Variants in DCPH1 observed in about 807,000 individuals in gnomAD.
The protein encoded by DCPH1 is damage control phosphatase 1.
chr6:151,459,796 A>G, the DCPH1 span, among the ~76,000 whole-genome samples: 4 of 152,170 alleles, frequency 2.6e-5, no homozygotes, highest in Non-Finnish European at 5.9e-5. Context: ...TAAAAAAACC[A>G]AAAAACAAAA....
At chr6:151,468,731 G>A in the DCPH1 span, 1 of 1,614,116 alleles carries the variant, frequency 6.2e-7, no homozygotes. Flanking sequence ...TCCAAGTGTG[G>A]GGCTGACTGG....
chr6:151,465,860 C>T, the DCPH1 span, among the ~76,000 whole-genome samples: 2 of 152,158 alleles, frequency 1.3e-5, no homozygotes, highest in East Asian at 1.9e-4. Flanking sequence ...GGTGAGACCC[C>T]GAGGGCAAGC....
chr6:151,466,219 C>G, the DCPH1 span, among the ~76,000 whole-genome samples: 1 of 151,948 alleles, frequency 6.6e-6, no homozygotes, highest in Admixed American at 6.6e-5. Flanking sequence ...TTGCCTGGCC[C>G]AGGACATTGT....
the DCPH1 span, among the ~76,000 whole-genome samples, chr6:151,463,527 A>G: frequency 6.6e-6 from 1 of 152,188 alleles, no homozygotes; most frequent in South Asian, 2.1e-4. Flanking sequence ...AGGAATTCCA[A>G]AAGTGCTCTG....
At chr6:151,453,909 T>TA in the DCPH1 span, among the ~76,000 whole-genome samples, 7 of 152,252 alleles carry the variant, frequency 4.6e-5, no homozygotes, top group African/African-American at 1.4e-4. Context: ...AACACTTCTA[T>TA]AAAATCTCTG....
the DCPH1 span, among the ~76,000 whole-genome samples, chr6:151,456,481 T>A: frequency 6.6e-6 from 1 of 152,238 alleles, no homozygotes; most frequent in African/African-American, 2.4e-5. Context: ...AAAATCCGGC[T>A]TAATTTAGAC....
chr6:151,455,906 C>A, the DCPH1 span, among the ~76,000 whole-genome samples: 1 of 152,276 alleles, frequency 6.6e-6, no homozygotes, highest in Non-Finnish European at 1.5e-5. Flanking sequence ...TTTTTGTGCC[C>A]CTGGGTACTT....
At chr6:151,462,950 T>A in the DCPH1 span, among the ~76,000 whole-genome samples, 1 of 152,226 alleles carries the variant, frequency 6.6e-6, no homozygotes, top group Non-Finnish European at 1.5e-5. Context: ...CCATGTGGTC[T>A]CTGTTGCAGC....
chr6:151,460,046 CA>C, the DCPH1 span, among the ~76,000 whole-genome samples: 1 of 152,114 alleles, frequency 6.6e-6, no homozygotes, highest in Non-Finnish European at 1.5e-5. Flanking sequence ...ATCTTACACA[CA>C]CACGTATATA....
chr6:151,459,499 A>G, the DCPH1 span, among the ~76,000 whole-genome samples: 1 of 152,224 alleles, frequency 6.6e-6, no homozygotes, highest in African/African-American at 2.4e-5. Flanking sequence ...CTGATAGAGA[A>G]CTAGTTTTTA....
the DCPH1 span, among the ~76,000 whole-genome samples, chr6:151,466,009 C>T: frequency 1.1e-4 from 17 of 152,324 alleles, no homozygotes; most frequent in African/African-American, 3.8e-4. Context: ...ACCTCCGTCT[C>T]CCGGGTTTAA....
chr6:151,452,508 T>G, the DCPH1 span: 9 of 1,609,960 alleles, frequency 5.6e-6, no homozygotes, highest in Non-Finnish European at 7.6e-6. Context: ...CTGCGGCGAT[T>G]GAACAGCCGA....
At chr6:151,455,592 G>C in the DCPH1 span, among the ~76,000 whole-genome samples, 1 of 152,230 alleles carries the variant, frequency 6.6e-6, no homozygotes, top group African/African-American at 2.4e-5. Flanking sequence ...CCCACCTCCA[G>C]CCCTAAGGCG....
the DCPH1 span, among the ~76,000 whole-genome samples, chr6:151,466,216 G>T: frequency 6.6e-6 from 1 of 152,068 alleles, no homozygotes; most frequent in East Asian, 1.9e-4. Flanking sequence ...ACCTTGCCTG[G>T]CCCAGGACAT....
At chr6:151,452,594 T>C in the DCPH1 span, 15 of 1,605,484 alleles carry the variant, frequency 9.3e-6, no homozygotes, top group African/African-American at 2.0e-4. Context: ...GGGGTTAGTC[T>C]AGCTTTTCTC....
chr6:151,460,792 A>C, the DCPH1 span, among the ~76,000 whole-genome samples: 4 of 151,968 alleles, frequency 2.6e-5, no homozygotes, highest in African/African-American at 9.7e-5. Context: ...TCAAAAAAAA[A>C]ACAAAAAAAC....
At chr6:151,463,239 G>T in the DCPH1 span, among the ~76,000 whole-genome samples, 1 of 152,062 alleles carries the variant, frequency 6.6e-6, no homozygotes, top group Non-Finnish European at 1.5e-5. Context: ...TGATTTCAGC[G>T]GTGCTGCCAT....
chr6:151,457,573 T>C, the DCPH1 span, among the ~76,000 whole-genome samples: 311 of 152,274 alleles, frequency 2.0e-3, 3 homozygotes, highest in African/African-American at 7.3e-3. Context: ...TCTTTTTTTC[T>C]AGCAGCAAAA....
chr6:151,460,231 C>A, the DCPH1 span, among the ~76,000 whole-genome samples: 1 of 151,938 alleles, frequency 6.6e-6, no homozygotes, highest in East Asian at 2.0e-4. Flanking sequence ...AGGCACCTCC[C>A]ACCATGCCTG....
Sources: allele counts gnomAD v4.1 joint callset (sites outside exome capture counted in the v4.1 genomes callset), GRCh38; gene constraint gnomAD v4.1.1; transcripts MANE v1.5; gene names NCBI Gene and HGNC (gene_info 2026-07-23, HGNC 2026-07-21).